Variants in BBS9 observed in about 807,000 individuals in gnomAD.
BBS9 encodes the protein Bardet-Biedl syndrome 9.
BBS9 carries 89 observed loss-of-function variants against 117.7 expected under a neutral mutation model. That is an observed-to-expected ratio of 0.76 (90% CI 0.64 to 0.90). BBS9 has a LOEUF of 0.90. Among genes scored for constraint, BBS9 ranks in the 40% least tolerant of loss-of-function variants. The pLI, the probability that BBS9 is intolerant of heterozygous loss-of-function variation, is 0.00. For synonymous variants in BBS9, 379 were observed against 370.9 expected, an observed-to-expected ratio of 1.02 and a Z score of -0.25; for missense variants, 982 against 1,042.2, an observed-to-expected ratio of 0.94 and a Z score of 0.80.
chr7:33,565,819 ATATATATACCGCTATATATACTGCT>A (rs1563370139), intron 21 of BBS9, among the ~76,000 whole-genome samples: 20 of 60,024 alleles, frequency 3.3e-4, no homozygotes, highest in African/African-American at 3.1e-3. Flanking sequence ...ATATATATAT[ATATATATACCGCTATATATACTGCT>A]TATATATATA....
intron 1 of BBS9, among the ~76,000 whole-genome samples, chr7:33,140,188 C>G (rs1184348895): frequency 6.6e-6 from 1 of 152,098 alleles, no homozygotes; most frequent in East Asian, 1.9e-4. Context: ...CCACACCCGG[C>G]TAATTTTTTG....
chr7:33,551,285 A>G (rs560969502), intron 21 of BBS9, among the ~76,000 whole-genome samples: 244 of 152,286 alleles, frequency 1.6e-3, no homozygotes, highest in Non-Finnish European at 2.7e-3. Context: ...TTAAGGGCTG[A>G]GGTGTAGGAG....
intron 5 of BBS9, among the ~76,000 whole-genome samples, chr7:33,240,391 G>A (rs1794292399): frequency 6.6e-6 from 1 of 151,758 alleles, no homozygotes; most frequent in South Asian, 2.1e-4. Flanking sequence ...CTGAGTAGCT[G>A]GGACAACAGG....
chr7:33,530,871 A>C (rs1191464793), intron 20 of BBS9, among the ~76,000 whole-genome samples: 2 of 152,196 alleles, frequency 1.3e-5, no homozygotes, highest in Non-Finnish European at 2.9e-5. Flanking sequence ...AATAGAGTGA[A>C]AAGTCCCGAT....
chr7:33,617,019 G>T (rs1264717610), intron 21 of BBS9, among the ~76,000 whole-genome samples: 3 of 151,806 alleles, frequency 2.0e-5, no homozygotes, highest in Admixed American at 1.3e-4. Flanking sequence ...CTCATTCAGT[G>T]TTGCAAAAAA....
At chr7:33,391,640 A>T (rs1389233166) in intron 19 of BBS9, among the ~76,000 whole-genome samples, 1 of 152,064 alleles carries the variant, frequency 6.6e-6, no homozygotes, top group African/African-American at 2.4e-5. Flanking sequence ...TCACATGTTA[A>T]TTGGCCATTT....
At chr7:33,209,887 C>T (rs981747745) in intron 5 of BBS9, among the ~76,000 whole-genome samples, 2 of 151,994 alleles carry the variant, frequency 1.3e-5, no homozygotes, top group African/African-American at 4.8e-5. Context: ...ATTTCAAATT[C>T]ATTTATATCT....
chr7:33,269,049 T>G (rs1799307609), intron 7 of BBS9, among the ~76,000 whole-genome samples: 1 of 152,250 alleles, frequency 6.6e-6, no homozygotes, highest in Non-Finnish European at 1.5e-5. Flanking sequence ...GATAGTCTGA[T>G]GCACCTACCT....
chr7:33,185,698 C>A (rs1798714970), intron 5 of BBS9, among the ~76,000 whole-genome samples: 1 of 152,136 alleles, frequency 6.6e-6, no homozygotes, highest in East Asian at 1.9e-4. Context: ...CCTAAAAATC[C>A]TTGTTTTCTA....
At chr7:33,400,956 C>G (rs888275798) in intron 19 of BBS9, among the ~76,000 whole-genome samples, 3 of 152,176 alleles carry the variant, frequency 2.0e-5, no homozygotes, top group Admixed American at 1.3e-4. Context: ...ACCTGAGAAT[C>G]ATTGATAGAA....
At chr7:33,498,462 C>G (rs1288649297) in intron 19 of BBS9, among the ~76,000 whole-genome samples, 1 of 151,958 alleles carries the variant, frequency 6.6e-6, no homozygotes, top group Non-Finnish European at 1.5e-5. Flanking sequence ...ACATTTTAAC[C>G]CCTCCTAAAA....
intron 14 of BBS9, 141 bp from the exon 15 acceptor site, chr7:33,352,718 A>G: frequency 1.1e-6 from 1 of 934,992 alleles, no homozygotes; most frequent in Non-Finnish European, 1.7e-6. Flanking sequence ...TTGGAGAGTC[A>G]TTTAAGTCAT....
intron 9 of BBS9, among the ~76,000 whole-genome samples, chr7:33,303,533 C>CCT (rs1807014412): frequency 7.8e-6 from 1 of 128,564 alleles, no homozygotes; most frequent in African/African-American, 3.2e-5. Flanking sequence ...CCCCCCGCCC[C>CCT]TTCTTTCTTT....
At chr7:33,542,699 ATGTGTGTGTGTG>A (rs200416682) in intron 21 of BBS9, among the ~76,000 whole-genome samples, 15 of 145,960 alleles carry the variant, frequency 1.0e-4, no homozygotes, top group Admixed American at 6.7e-4. Context: ...CATTATATAT[ATGTGTGTGTGTG>A]TGTGTGTGTG....
intron 21 of BBS9, among the ~76,000 whole-genome samples, chr7:33,569,844 T>C (rs1857505284): frequency 1.3e-5 from 2 of 152,170 alleles, no homozygotes; most frequent in South Asian, 4.1e-4. Context: ...TACATGATAT[T>C]CCCTAGCTCT....
chr7:33,222,656 T>C (rs1226778693), intron 5 of BBS9, among the ~76,000 whole-genome samples: 1 of 151,942 alleles, frequency 6.6e-6, no homozygotes, highest in African/African-American at 2.4e-5. Context: ...CTGCTTGAAA[T>C]TTTTTGTGGC....
intron 21 of BBS9, among the ~76,000 whole-genome samples, chr7:33,581,794 T>C (rs1859979074): frequency 6.6e-6 from 1 of 152,204 alleles, no homozygotes; most frequent in South Asian, 2.1e-4. Flanking sequence ...CCATAATATA[T>C]ATAGCATATA....
intron 18 of BBS9, among the ~76,000 whole-genome samples, chr7:33,384,068 A>G (rs1825578526): frequency 6.6e-6 from 1 of 152,228 alleles, no homozygotes; most frequent in South Asian, 2.1e-4. Flanking sequence ...CTGGCCCTGG[A>G]ACAGAGCTGA....
chr7:33,394,341 G>A (rs145851752), intron 19 of BBS9, among the ~76,000 whole-genome samples: 2,509 of 152,182 alleles, frequency 0.016, 28 homozygotes, highest in Non-Finnish European at 0.024. Context: ...AAAAGTGGGA[G>A]CTAACTGGTG....
Sources: allele counts gnomAD v4.1 joint callset (sites outside exome capture counted in the v4.1 genomes callset), GRCh38; gene constraint gnomAD v4.1.1; transcripts MANE v1.5; gene names NCBI Gene and HGNC (gene_info 2026-07-23, HGNC 2026-07-21).